The following ASTN2 variants were observed in gnomAD, a reference collection of about 807,000 sequenced individuals.
ASTN2 encodes astrotactin-2.
ASTN2 carries 54 observed loss-of-function variants against 139.8 expected under a neutral mutation model. The observed-to-expected ratio is 0.39, with a 90% CI of 0.31 to 0.48. The LOEUF (loss-of-function observed/expected upper bound fraction) is 0.48. Ranked by LOEUF, ASTN2 falls within the 20% of genes least tolerant of loss-of-function variation. The probability of loss-of-function intolerance (pLI) is 0.95; values close to 1 mark genes in which losing one functional copy is unlikely to be tolerated. For missense variants in ASTN2, 1,565 were observed against 1,725.1 expected (o/e 0.91, Z 1.64); for synonymous variants, 756 against 719.5 (o/e 1.05, Z -0.81).
intron 7 of ASTN2, among the ~76,000 whole-genome samples, chr9:116,981,440 C>G (rs1263325763): frequency 2.0e-5 from 3 of 152,180 alleles, no homozygotes; most frequent in Non-Finnish European, 4.4e-5. Context: ...GATGAAATGT[C>G]AAAAATAGAA....
intron 13 of ASTN2, among the ~76,000 whole-genome samples, chr9:116,769,133 C>T (rs1479901946): frequency 6.6e-6 from 1 of 152,108 alleles, no homozygotes; most frequent in Admixed American, 6.5e-5. Context: ...AATACTAAGC[C>T]TAAAGCCCCA....
intron 19 of ASTN2, among the ~76,000 whole-genome samples, chr9:116,566,577 C>G (rs1241019500): frequency 6.6e-6 from 1 of 152,198 alleles, no homozygotes; most frequent in South Asian, 2.1e-4. Context: ...CCTGGATCAA[C>G]AGGATTTGAT....
intron 2 of ASTN2, among the ~76,000 whole-genome samples, chr9:117,223,815 C>T (rs1166390283): frequency 2.0e-5 from 3 of 151,958 alleles, no homozygotes; most frequent in African/African-American, 7.2e-5. Flanking sequence ...TTCTTTTTTG[C>T]CTCTAGACAG....
At chr9:117,262,547 G>A (rs1833849749) in intron 2 of ASTN2, among the ~76,000 whole-genome samples, 1 of 152,014 alleles carries the variant, frequency 6.6e-6, no homozygotes, top group African/African-American at 2.4e-5. Flanking sequence ...CTGAGTCTCA[G>A]TTCAGGAGTG....
chr9:117,352,376 T>G (rs1029544531), intron 1 of ASTN2, among the ~76,000 whole-genome samples: 1 of 152,180 alleles, frequency 6.6e-6, no homozygotes, highest in Non-Finnish European at 1.5e-5. Context: ...TGAGAGATAT[T>G]ATCTCCACCA....
chr9:116,767,356 C>T (rs1028861343), intron 13 of ASTN2, among the ~76,000 whole-genome samples: 14 of 152,288 alleles, frequency 9.2e-5, no homozygotes, highest in Middle Eastern at 3.4e-3. Flanking sequence ...TTGGGAGAGA[C>T]GAGGGTGATT....
intron 19 of ASTN2, among the ~76,000 whole-genome samples, chr9:116,518,785 A>G (rs1850753997): frequency 6.6e-6 from 1 of 152,112 alleles, no homozygotes; most frequent in African/African-American, 2.4e-5. Flanking sequence ...CACCTAACAC[A>G]TAAATGTAAT....
At chr9:117,390,811 A>T (rs1830520819) in intron 1 of ASTN2, among the ~76,000 whole-genome samples, 1 of 152,190 alleles carries the variant, frequency 6.6e-6, no homozygotes, top group Non-Finnish European at 1.5e-5. Flanking sequence ...TGCTATAAAC[A>T]TTCATGGTGG....
At chr9:117,028,498 C>T (rs1289569765) in intron 6 of ASTN2, among the ~76,000 whole-genome samples, 1 of 152,146 alleles carries the variant, frequency 6.6e-6, no homozygotes, top group African/African-American at 2.4e-5. Flanking sequence ...CATTCTTCCC[C>T]TCCCAGACTC....
At chr9:116,981,692 T>C (rs909296260) in intron 7 of ASTN2, among the ~76,000 whole-genome samples, 1 of 152,230 alleles carries the variant, frequency 6.6e-6, no homozygotes, top group African/African-American at 2.4e-5. Flanking sequence ...GCATCAATTT[T>C]TCTGTACATT....
At chr9:116,919,487 C>A (rs1328019667) in intron 10 of ASTN2, among the ~76,000 whole-genome samples, 2 of 152,048 alleles carry the variant, frequency 1.3e-5, no homozygotes, top group African/African-American at 4.8e-5. Flanking sequence ...TTCTACTGGA[C>A]AAATACTGCA....
intron 10 of ASTN2, among the ~76,000 whole-genome samples, chr9:116,898,149 G>A (rs1833922298): frequency 6.6e-6 from 1 of 152,126 alleles, no homozygotes; most frequent in South Asian, 2.1e-4. Flanking sequence ...GCTCGTGTCT[G>A]TAATCCCAGC....
intron 16 of ASTN2, among the ~76,000 whole-genome samples, chr9:116,716,192 A>G (rs1485736284): frequency 6.6e-6 from 1 of 152,206 alleles, no homozygotes; most frequent in African/African-American, 2.4e-5. Context: ...TGTTTGAATC[A>G]GAGTAACTAG....
At chr9:117,003,628 G>A (rs569500065) in intron 7 of ASTN2, among the ~76,000 whole-genome samples, 15 of 145,008 alleles carry the variant, frequency 1.0e-4, no homozygotes, top group Admixed American at 4.3e-4. Context: ...TGGATGACCC[G>A]CTGTTTAGAA....
chr9:116,726,620 A>G (rs1305427874), intron 15 of ASTN2, among the ~76,000 whole-genome samples: 1 of 152,018 alleles, frequency 6.6e-6, no homozygotes, highest in African/African-American at 2.4e-5. Flanking sequence ...GCTTTTCTTT[A>G]TATCTCTGCT....
chr9:116,524,599 C>A (rs1851013379), intron 19 of ASTN2, among the ~76,000 whole-genome samples: 1 of 152,122 alleles, frequency 6.6e-6, no homozygotes, highest in African/African-American at 2.4e-5. Context: ...CCTTCCCTGC[C>A]CAAAAGGCAT....
At chr9:116,914,550 A>C (rs184551976) in intron 10 of ASTN2, among the ~76,000 whole-genome samples, 18 of 135,800 alleles carry the variant, frequency 1.3e-4, no homozygotes, top group East Asian at 5.9e-4. Flanking sequence ...AAAGTGTTTT[A>C]TTATTATTAT....
intron 11 of ASTN2, among the ~76,000 whole-genome samples, chr9:116,852,150 G>A (rs73655501): frequency 2.6e-5 from 4 of 152,152 alleles, no homozygotes; most frequent in African/African-American, 9.7e-5. Flanking sequence ...AGCCAGAAAA[G>A]GCTACTAAGT....
chr9:116,998,682 T>C (rs1301203508), intron 7 of ASTN2, among the ~76,000 whole-genome samples: 2 of 152,182 alleles, frequency 1.3e-5, no homozygotes, highest in Non-Finnish European at 2.9e-5. Flanking sequence ...AGACCAAGAC[T>C]TTTATAATGT....
Sources: gnomAD v4.1 joint callset for allele counts (sites outside exome capture counted in the v4.1 genomes callset) on GRCh38, gnomAD v4.1.1 for gene constraint, MANE v1.5 for transcripts, NCBI Gene and HGNC (gene_info 2026-07-23, HGNC 2026-07-21) for gene names.